TRAF5: variants seen among roughly 807,000 people sequenced by gnomAD.
TRAF5 encodes the protein TNF receptor associated factor 5.
Under a neutral mutation model 64.5 loss-of-function variants are expected in TRAF5, and 48 were observed. That is an observed-to-expected ratio of 0.74 (90% CI 0.59 to 0.95). TRAF5 has a LOEUF of 0.95. Among genes scored for constraint, TRAF5 ranks in the 40% least tolerant of loss-of-function variants. The probability of loss-of-function intolerance (pLI) is 0.00; values close to 1 mark genes in which losing one functional copy is unlikely to be tolerated. For missense variants in TRAF5, 545 were observed against 662.8 expected (o/e 0.82, Z 1.95); for synonymous variants, 206 against 240.5 (o/e 0.86, Z 1.33).
intron 1 of TRAF5, among the ~76,000 whole-genome samples, chr1:211,344,638 G>C (rs111555578): frequency 7.2e-5 from 11 of 152,196 alleles, no homozygotes; most frequent in African/African-American, 2.4e-4. Flanking sequence ...TTGAGGGAAG[G>C]CCTCTTTAGG....
intron 1 of TRAF5, 46 bp from the exon 2 acceptor site, chr1:211,353,193 A>G: frequency 6.4e-7 from 1 of 1,564,788 alleles, no homozygotes; most frequent in South Asian, 1.1e-5. Context: ...TGGTTGTTTC[A>G]GTGTTTGCAC....
Position 211,354,298 on chromosome 1 carries a change from A to G in TRAF5, c.219-112A>G, listed in dbSNP as rs548845673. 4.3e-6 allele frequency: 4 copies of G among 924,162 alleles called. No individual in the cohort carries two copies. The African/African-American group carries it at 6.6e-5, about 15-fold the overall frequency. The allele number at this position is 924,162 out of a possible 1,614,324, so 57.2% of individuals were successfully genotyped here. On this transcript the variant is annotated intron_variant, in intron 2 of 10. Transcript: ENST00000261464. ...TGGGTAGAGGGAACAGCATGTGCAG[A>G]CAGGGACCAGCCTGCCCAGGGCTAG... is the stretch of plus-strand genomic sequence containing the variant.
chr1:211,369,969 C>T (rs1703471746), intron 9 of TRAF5, among the ~76,000 whole-genome samples: 1 of 152,162 alleles, frequency 6.6e-6, no homozygotes, highest in Admixed American at 6.5e-5. Flanking sequence ...TTTTACACAA[C>T]CCCAGTACGT....
chr1:211,366,065 A>G (rs917854707), intron 8 of TRAF5, among the ~76,000 whole-genome samples: 1 of 152,236 alleles, frequency 6.6e-6, no homozygotes, highest in African/African-American at 2.4e-5. Flanking sequence ...TGGCATTCCT[A>G]TTAACCTCAA....
At chr1:211,353,641 T>C (rs1277069803) in intron 2 of TRAF5, 184 bp downstream of exon 2, 3 of 627,942 alleles carry the variant, frequency 4.8e-6, no homozygotes, top group Admixed American at 5.9e-5. Flanking sequence ...TTTTGGTCAC[T>C]AATTTACAGA....
chr1:211,356,437 G>A lies in TRAF5; in HGVS notation c.347G>A (p.Cys116Tyr). Residue 116 changes from cysteine to tyrosine, a missense_variant, in exon 4 of 11, where the codon TGT becomes TAT. Transcript: ENST00000261464. ...LYVYCSNAPG[C>Y]NAKVILGRYQ... ...GTATATTGCAGCAATGCTCCTGGATGTAATGCCAAGGTTATTCTGGGCCGG... is the reference window on the plus strand; with the variant it reads ...GTATATTGCAGCAATGCTCCTGGATATAATGCCAAGGTTATTCTGGGCCGG... 1 of 1,614,184 alleles carries A rather than the reference G, an allele frequency of 6.2e-7. No homozygotes were observed.
chr1:211,372,396 G>T lies in TRAF5; in HGVS notation c.1368G>T (p.Gly456=). The part of the protein sequence containing the change: ...AYLNGDGSGR[G]SHLSLYFVVM... ...TGAATGGGGATGGGTCAGGGAGGGG[G>T]TCACACCTGTCCCTATACTTTGTGG... Residue 456 remains glycine (G), a synonymous_variant, in exon 11 of 11, where the codon GGG becomes GGT. Coordinates refer to ENST00000261464, the MANE Select transcript of TRAF5 (RefSeq NM_001033910.3). 1 of 1,614,140 alleles carries T rather than the reference G, an allele frequency of 6.2e-7. No homozygotes were observed. Among genetic ancestry groups the T allele is most frequent in the Non-Finnish European group, 8.5e-7 (1 of 1,180,014 alleles).
intron 1 of TRAF5, among the ~76,000 whole-genome samples, chr1:211,341,351 T>C (rs1291338093): frequency 6.6e-6 from 1 of 151,912 alleles, no homozygotes; most frequent in Non-Finnish European, 1.5e-5. Context: ...AAGAAGGAAG[T>C]GCCAAATGTC....
chr1:211,327,235 G>A (rs1702042534), intron 1 of TRAF5, among the ~76,000 whole-genome samples: 1 of 152,138 alleles, frequency 6.6e-6, no homozygotes, highest in Admixed American at 6.5e-5. Flanking sequence ...GGACCGGAGG[G>A]GCCAGGTTCC....
At chr1:211,335,775 G>A (rs1702273118) in intron 1 of TRAF5, among the ~76,000 whole-genome samples, 1 of 152,148 alleles carries the variant, frequency 6.6e-6, no homozygotes, top group Non-Finnish European at 1.5e-5. Flanking sequence ...AAGGCTGTAA[G>A]GGGGAAAGGT....
chr1:211,372,099 T>C, intron 10 of TRAF5, 29 bp from the exon 11 acceptor site: 1 of 1,391,958 alleles, frequency 7.2e-7, no homozygotes, highest in Non-Finnish European at 9.5e-7. Flanking sequence ...GCCTATGGAA[T>C]CTTTTTTTTT....
intron 1 of TRAF5, among the ~76,000 whole-genome samples, chr1:211,334,048 A>G (rs1347322239): frequency 1.3e-5 from 2 of 152,232 alleles, no homozygotes; most frequent in Non-Finnish European, 2.9e-5. Context: ...ACTCACAGCT[A>G]TGATTCATTT....
At chr1:211,348,414 A>C (rs1702680521) in intron 1 of TRAF5, among the ~76,000 whole-genome samples, 1 of 152,206 alleles carries the variant, frequency 6.6e-6, no homozygotes, top group Admixed American at 6.5e-5. Context: ...AAAAACTCTT[A>C]GGGGTCCTCC....
At chr1:211,327,875 C>G (rs531996779) in intron 1 of TRAF5, among the ~76,000 whole-genome samples, 1 of 152,274 alleles carries the variant, frequency 6.6e-6, no homozygotes, top group South Asian at 2.1e-4. Flanking sequence ...GGGCTCTGAC[C>G]CACCTCCTGT....
intron 1 of TRAF5, among the ~76,000 whole-genome samples, chr1:211,351,771 T>C (rs1216872161): frequency 1.3e-5 from 2 of 152,200 alleles, no homozygotes; most frequent in African/African-American, 4.8e-5. Context: ...GTCAGTTGAC[T>C]GTATTTATGT....
chr1:211,354,025 G>A (rs2102744641), intron 2 of TRAF5, among the ~76,000 whole-genome samples: 1 of 152,368 alleles, frequency 6.6e-6, no homozygotes, highest in East Asian at 1.9e-4. Flanking sequence ...ATGTGTTTGT[G>A]CCTTCAGCAC....
At chr1:211,341,587 A>G (rs572529265) in intron 1 of TRAF5, among the ~76,000 whole-genome samples, 7 of 152,264 alleles carry the variant, frequency 4.6e-5, no homozygotes, top group Admixed American at 2.6e-4. Flanking sequence ...GGGATCTGAT[A>G]AAGGACACAG....
Position 211,356,387 on chromosome 1 carries a change from C to G in TRAF5, c.297C>G (p.Cys99Trp). 1 of 1,613,832 alleles carries G rather than the reference C, an allele frequency of 6.2e-7. No homozygotes were observed. The highest frequency in any genetic ancestry group is 8.5e-7 in the Non-Finnish European group (1 of 1,179,816). The change falls in exon 4 of 11, where the codon TGC becomes TGG. Residue 99 changes from cysteine (C) to tryptophan (W), a missense_variant. Physicochemically the swap from Cys to Trp is radical, Grantham distance 215. Coordinates refer to ENST00000261464, the MANE Select transcript of TRAF5 (RefSeq NM_001033910.3). ...KSQEVFKDNC[C>W]KREVLNLYVY... ...TTTAGGTTTTTAAAGACAATTGTTG[C>G]AAAAGAGAAGTCCTCAACTTATATG... is the stretch of plus-strand genomic sequence containing the variant.
chr1:211,340,747 T>C (rs1449595236), intron 1 of TRAF5, among the ~76,000 whole-genome samples: 1 of 152,252 alleles, frequency 6.6e-6, no homozygotes, highest in Non-Finnish European at 1.5e-5. Flanking sequence ...GTAAATCATG[T>C]GCTTAATGCA....
Sources: gnomAD v4.1 joint callset for allele counts (sites outside exome capture counted in the v4.1 genomes callset) on GRCh38, gnomAD v4.1.1 for gene constraint, MANE v1.5 for transcripts, NCBI Gene and HGNC (gene_info 2026-07-23, HGNC 2026-07-21) for gene names.